The following KIF26B variants were observed in gnomAD, a reference collection of about 807,000 sequenced individuals.
KIF26B encodes the protein kinesin family member 26B.
A neutral mutation model predicts 151.2 loss-of-function variants in KIF26B; 63 were observed. The ratio of observed to expected loss-of-function variants is 0.42; its 90% CI spans 0.34 to 0.51. KIF26B has a LOEUF of 0.51. KIF26B is among the 20% of genes least tolerant of loss of function. The pLI is 0.07. For synonymous variants in KIF26B, 1,357 were observed against 1,262.1 expected (o/e 1.08, Z -1.59); for missense variants, 2,813 against 2,913.6 (o/e 0.97, Z 0.79).
intron 4 of KIF26B, among the ~76,000 whole-genome samples, chr1:245,460,747 A>G (rs1194276123): frequency 6.6e-6 from 1 of 152,214 alleles, no homozygotes; most frequent in Non-Finnish European, 1.5e-5. Flanking sequence ...ATGCCCGTGT[A>G]TCGGTGTGGG....
chr1:245,424,277 C>A (rs138983318), intron 4 of KIF26B, among the ~76,000 whole-genome samples: 1 of 152,126 alleles, frequency 6.6e-6, no homozygotes, highest in South Asian at 2.1e-4. Flanking sequence ...CTCAGCCTCC[C>A]GAGTAAGATT....
At chr1:245,256,685 G>A (rs1670542578) in intron 2 of KIF26B, among the ~76,000 whole-genome samples, 1 of 152,142 alleles carries the variant, frequency 6.6e-6, no homozygotes, top group African/African-American at 2.4e-5. Context: ...AATGGGCTGT[G>A]GGACGTGCCT....
In KIF26B at chr1:245,194,427, C is replaced by G. The variant is rs1276909241; in HGVS notation, c.465+37744C>G. Among the ~76,000 whole-genome samples the G allele has an allele frequency of 2.0e-5, 3 of 152,206 alleles. No individual in the cohort carries two copies. In the East Asian group the frequency reaches 5.8e-4, roughly 29 times the overall value. On this transcript the variant is annotated intron_variant, in intron 2 of 14. Transcript: ENST00000407071. ...TTTTTTTTCTTTTTGGACACAGAGT[C>G]TTCCTCATGCAGCGGTGCAAACTCG...
At chr1:245,262,825 AAGAC>A (rs1670673080) in intron 2 of KIF26B, among the ~76,000 whole-genome samples, 1 of 152,310 alleles carries the variant, frequency 6.6e-6, no homozygotes, top group Middle Eastern at 3.4e-3. Context: ...AGAAGGATGA[AAGAC>A]AGATGTTCAT....
intron 3 of KIF26B, among the ~76,000 whole-genome samples, chr1:245,414,677 G>A (rs1674374490): frequency 6.6e-6 from 1 of 152,212 alleles, no homozygotes; most frequent in African/African-American, 2.4e-5. Flanking sequence ...GACTTGGCTA[G>A]AAACACATTT....
chr1:245,670,899 AGTT>A (rs2044278971), intron 10 of KIF26B, among the ~76,000 whole-genome samples: 1 of 151,962 alleles, frequency 6.6e-6, no homozygotes, highest in South Asian at 2.1e-4. Flanking sequence ...CGTACAATTA[AGTT>A]GTTATAGTCA....
At chr1:245,360,157 G>A (rs550908617) in intron 2 of KIF26B, among the ~76,000 whole-genome samples, 7 of 151,834 alleles carry the variant, frequency 4.6e-5, no homozygotes, top group African/African-American at 1.7e-4. Context: ...ACAGGTGTGA[G>A]CCACTGCACC....
At chr1:245,204,257 ATAAT>A (rs1286986185) in intron 2 of KIF26B, among the ~76,000 whole-genome samples, 1 of 152,222 alleles carries the variant, frequency 6.6e-6, no homozygotes, top group Non-Finnish European at 1.5e-5. Flanking sequence ...ATGGATGGTA[ATAAT>A]TCATACAGGA....
intron 2 of KIF26B, among the ~76,000 whole-genome samples, chr1:245,267,065 A>G (rs1263128154): frequency 6.6e-6 from 1 of 152,202 alleles, no homozygotes; most frequent in Non-Finnish European, 1.5e-5. Context: ...GCAAGGTTTG[A>G]TTTGGATTTG....
In KIF26B at chr1:245,165,637, C is replaced by G. The variant is rs528277227; in HGVS notation, c.465+8954C>G. On this transcript the variant is annotated intron_variant, in intron 2 of 14. Coordinates refer to ENST00000407071, the MANE Select transcript of KIF26B (RefSeq NM_018012.4). ...ATGAAGTGGTGGAGACCATTGACAT[C>G]GAAGGGACCAGTGGCCTGAGGAGCT... 2.0e-5 allele frequency among the ~76,000 whole-genome samples: 3 copies of G among 152,058 alleles called. No homozygotes were observed. The South Asian group carries it at 6.3e-4, about 32-fold the overall frequency.
At chr1:245,683,031 G>A (rs558631563) in intron 10 of KIF26B, among the ~76,000 whole-genome samples, 2 of 152,220 alleles carry the variant, frequency 1.3e-5, no homozygotes, top group Non-Finnish European at 2.9e-5. Context: ...GCCCAGCGTC[G>A]CCAAACTTAC....
chr1:245,227,933 C>T lies in KIF26B; in HGVS notation c.465+71250C>T, dbSNP rs190222539. ...AGGAGAATCGCTTGAACCCGGGAGG[C>T]GGAGGTTGCAGTGAGCTCAGGTTGC... On this transcript the variant is annotated intron_variant, in intron 2 of 14. Transcript: ENST00000407071. The surrounding 1 kb of genome is among the most constrained non-coding windows in gnomAD (Gnocchi z 4.1). Among the ~76,000 whole-genome samples, 113 of 152,132 alleles carry T rather than the reference C, an allele frequency of 7.4e-4. No individual in the cohort carries two copies. The highest frequency in any genetic ancestry group is 2.6e-3 in the African/African-American group (106 of 41,512).
intron 4 of KIF26B, among the ~76,000 whole-genome samples, chr1:245,521,615 G>T (rs1661112237): frequency 6.6e-6 from 1 of 152,114 alleles, no homozygotes; most frequent in Non-Finnish European, 1.5e-5. Flanking sequence ...GGCTGACCCT[G>T]TTGGGAAGAC....
intron 2 of KIF26B, among the ~76,000 whole-genome samples, chr1:245,198,222 C>T (rs1264028802): frequency 2.6e-5 from 4 of 152,186 alleles, no homozygotes; most frequent in African/African-American, 9.7e-5. Flanking sequence ...TACCAGAGTC[C>T]ATGCAGTCTC....
rs12029344 is a variant in KIF26B, at chr1:245,346,095, G to A, written c.466-20739G>A. ...TTACAGGCACCTGCCACCACACCTG[G>A]CTAATTTTTTTTTGTGTGTGTGTAT... is the stretch of plus-strand genomic sequence containing the variant. On this transcript the variant is annotated intron_variant, in intron 2 of 14. Transcript: ENST00000407071. 3.6e-4 allele frequency among the ~76,000 whole-genome samples: 53 copies of A among 148,704 alleles called. No individual in the cohort carries two copies. In the East Asian group the frequency reaches 9.3e-3, roughly 26 times the overall value.
intron 3 of KIF26B, among the ~76,000 whole-genome samples, chr1:245,386,752 C>T (rs935105320): frequency 6.6e-6 from 1 of 152,282 alleles, no homozygotes; most frequent in South Asian, 2.1e-4. Context: ...CAAATGTCAC[C>T]ACTTATTTTG....
In KIF26B at chr1:245,512,023, G is replaced by A. The variant is rs1660848533; in HGVS notation, c.1167-28744G>A. Reference sequence around the variant, plus strand: ...GATTAAAAAGCAGTATTTAGAGGAGGCTTTTAAGATCATAAATCACTTAGG... The same window carrying A: ...GATTAAAAAGCAGTATTTAGAGGAGACTTTTAAGATCATAAATCACTTAGG... On this transcript the variant is annotated intron_variant, in intron 4 of 14. Coordinates refer to ENST00000407071, the MANE Select transcript of KIF26B (RefSeq NM_018012.4). This position sits in a 1 kb window ranked among gnomAD's most constrained non-coding sequence, Gnocchi z 4.3. Among the ~76,000 whole-genome samples, 1 of 152,130 alleles carries A rather than the reference G, an allele frequency of 6.6e-6. No homozygotes were observed. The highest frequency in any genetic ancestry group is 1.5e-5 in the Non-Finnish European group (1 of 68,022).
rs1558237320 is a variant in KIF26B at position 245,614,854 on chromosome 1, GCATTC to G, written c.2098+2879_2098+2883del. The G allele has an allele frequency of 4.8e-4, 53 of 109,894 alleles. 1 individual carries two copies. The South Asian group carries it at 0.015, about 31-fold the overall frequency. The allele number at this position is 109,894 out of a possible 1,614,324, so 6.8% of individuals were successfully genotyped here. A position where few individuals can be genotyped will look rare whatever the true frequency, so the allele number is the denominator to read the frequency against. On this transcript the variant is annotated intron_variant, in intron 9 of 14. Coordinates refer to ENST00000407071, the MANE Select transcript of KIF26B (RefSeq NM_018012.4). ...GAATCACGTTCTTAAAGAAGGAAAC[GCATTC>G]GGATAGGGATGAGGAGATGCAGACC...
At chr1:245,423,115 AG>A (rs1558159915) in intron 4 of KIF26B, among the ~76,000 whole-genome samples, 1 of 145,910 alleles carries the variant, frequency 6.9e-6, no homozygotes, top group Non-Finnish European at 1.5e-5. Flanking sequence ...AAAAAAAAAA[AG>A]GAAAGAAAGA....
Sources: gnomAD v4.1 joint callset for allele counts (sites outside exome capture counted in the v4.1 genomes callset) on GRCh38, gnomAD v4.1.1 for gene constraint, Gnocchi (gnomAD v3.1) non-coding constraint, MANE v1.5 for transcripts, NCBI Gene and HGNC (gene_info 2026-07-23, HGNC 2026-07-21) for gene names.